Variants in TRPV5 observed in about 807,000 individuals in gnomAD.
The protein encoded by TRPV5 is calcium transport protein 2.
A neutral mutation model predicts 74.1 loss-of-function variants in TRPV5; 66 were observed. The ratio of observed to expected loss-of-function variants is 0.89; its 90% CI spans 0.73 to 1.09. TRPV5 has a LOEUF of 1.09. TRPV5 is among the 50% of genes least tolerant of loss of function. TRPV5 has a pLI of 0.00. For synonymous variants in TRPV5, 399 were observed against 360.7 expected (o/e 1.11, Z -1.20); for missense variants, 936 against 930.4 (o/e 1.01, Z -0.08).
chr7:142,910,647 A>C (rs1795689193), intron 13 of TRPV5, among the ~76,000 whole-genome samples: 1 of 152,102 alleles, frequency 6.6e-6, no homozygotes, highest in Admixed American at 6.5e-5. Flanking sequence ...TCATTACTCC[A>C]CACTTCTTTC....
In TRPV5 at chr7:142,930,143, G is replaced by T; in HGVS notation, c.264C>A (p.Leu88=). 1 of 1,614,200 alleles carries T rather than the reference G, an allele frequency of 6.2e-7. No individual in the cohort carries two copies. Among genetic ancestry groups the T allele is most frequent in the Non-Finnish European group, 8.5e-7 (1 of 1,180,030 alleles). Residue 88 remains leucine (L), a synonymous_variant, in exon 3 of 15, where the codon CTC becomes CTA. Coordinates refer to ENST00000265310, the MANE Select transcript of TRPV5 (RefSeq NM_019841.7). ...LGETALHIAA[L]YDNLEAALVL... is the part of the protein sequence containing the mutation. ...CCAAGGCCGCCTCCAAGTTGTCATAGAGGGCTGCTATGTGCAGCGCCGTCT... is the reference window on the plus strand; with the variant it reads ...CCAAGGCCGCCTCCAAGTTGTCATATAGGGCTGCTATGTGCAGCGCCGTCT...
Position 142,929,015 on chromosome 7 carries a change from C to T in TRPV5, c.586+7G>A. The T allele has an allele frequency of 6.2e-7, 1 of 1,613,956 alleles. No individual in the cohort carries two copies. Among genetic ancestry groups the T allele is most frequent in the Non-Finnish European group, 8.5e-7 (1 of 1,180,002 alleles). ...ATCCCAGCTCCCCTCCCCATCCCAG[C>T]TCTTACCCAGGGAGTCCTGGGCCCT... On this transcript the variant is annotated splice_region_variant and intron_variant, in intron 5 of 14. Transcript: ENST00000265310.
intron 13 of TRPV5, among the ~76,000 whole-genome samples, chr7:142,911,345 C>T (rs1441793829): frequency 6.6e-6 from 1 of 152,186 alleles, no homozygotes; most frequent in African/African-American, 2.4e-5. Flanking sequence ...TCCTCTTCCC[C>T]CTGTTTAAAA....
chr7:142,914,587 C>A, intron 12 of TRPV5, 53 bp downstream of exon 12: 2 of 1,469,664 alleles, frequency 1.4e-6, no homozygotes, highest in Non-Finnish European at 1.9e-6. Flanking sequence ...TGAGAGTGAA[C>A]TTTCTGGAGA....
chr7:142,926,883 C>T (rs1249681621), intron 7 of TRPV5, among the ~76,000 whole-genome samples: 2 of 152,104 alleles, frequency 1.3e-5, no homozygotes, highest in African/African-American at 2.4e-5. Flanking sequence ...TTCTTCTATT[C>T]GTTAGTATTA....
Position 142,929,034 on chromosome 7 carries a change from G to A in TRPV5, c.574C>T (p.Gln192Ter). 6.2e-7 allele frequency: 1 copy of A among 1,613,966 alleles called. No individual in the cohort carries two copies. The highest frequency in any genetic ancestry group is 8.5e-7 in the Non-Finnish European group (1 of 1,180,010). ...LIEHGADIRA[Q>*]DSLGNTVLHI... Reference sequence around the variant, plus strand: ...TCCCAGCTCTTACCCAGGGAGTCCTGGGCCCTGATGTCAGCTCCATGCTCA... The same window carrying A: ...TCCCAGCTCTTACCCAGGGAGTCCTAGGCCCTGATGTCAGCTCCATGCTCA... Residue 192 changes from glutamine (Q) to a stop codon, truncating the protein, a stop_gained, in exon 5 of 15, where the codon CAG becomes TAG. Transcript: ENST00000265310. LOFTEE classifies it high-confidence loss of function.
chr7:142,910,460 G>A lies in TRPV5; in HGVS notation c.1789-864C>T, dbSNP rs4252504. On this transcript the variant is annotated intron_variant, in intron 13 of 14. Coordinates refer to ENST00000265310, the MANE Select transcript of TRPV5 (RefSeq NM_019841.7). ...GAAAGGCATAGTCCCGCTTTGTACC[G>A]CATTGCCCTAATCATACTGGGGACT... Among the ~76,000 whole-genome samples the A allele has an allele frequency of 6.5e-3, 989 of 152,268 alleles. 10 individuals are homozygous for A. The highest frequency in any genetic ancestry group is 0.022 in the African/African-American group (917 of 41,562).
intron 2 of TRPV5, 47 bp from the exon 3 acceptor site, chr7:142,930,227 T>A: frequency 6.2e-7 from 1 of 1,607,872 alleles, no homozygotes; most frequent in African/African-American, 1.3e-5. Flanking sequence ...CAGATTCCCT[T>A]GAGGAAGGGG....
At chr7:142,927,907 CAG>C (rs1796013440) in intron 7 of TRPV5, among the ~76,000 whole-genome samples, 179 bp downstream of exon 7, 1 of 151,934 alleles carries the variant, frequency 6.6e-6, no homozygotes, top group Non-Finnish European at 1.5e-5. Context: ...AGCAGAGAGA[CAG>C]GGGATTCAGG....
Position 142,912,469 on chromosome 7 carries a change from C to A in TRPV5, c.1788+13G>T, listed in dbSNP as rs780157311. On this transcript the variant is annotated intron_variant, in intron 13 of 14. Transcript: ENST00000265310. ...CCCCTGCTTCTTAGCAAGACTAACA[C>A]AAATAAACTCACCTGGGCCCTCCAG... 1 of 1,607,708 alleles carries A rather than the reference C, an allele frequency of 6.2e-7. No individual in the cohort carries two copies. The highest frequency in any genetic ancestry group is 8.5e-7 in the Non-Finnish European group (1 of 1,175,102).
At chr7:142,927,938 CT>C (rs4252420) in intron 7 of TRPV5, 149 bp downstream of exon 7, 148,093 of 925,860 alleles carry the variant, frequency 0.16, 13,370 homozygotes, top group Non-Finnish European at 0.18. Flanking sequence ...GTGCATTGGA[CT>C]TTCCCCCATG....
At chr7:142,928,908 T>C (rs1413890956) in intron 5 of TRPV5, 42 bp from the exon 6 acceptor site, 2 of 1,611,880 alleles carry the variant, frequency 1.2e-6, no homozygotes, top group Non-Finnish European at 1.7e-6. Context: ...TGGCCTAAAG[T>C]CCCTGATGTC....
Position 142,912,619 on chromosome 7 carries a change from A to G in TRPV5, c.1651T>C (p.Leu551=). 6.2e-7 allele frequency: 1 copy of G among 1,614,256 alleles called. No homozygotes were observed. Among genetic ancestry groups the G allele is most frequent in the Non-Finnish European group, 8.5e-7 (1 of 1,180,044 alleles). Residue 551 remains leucine, a synonymous_variant, in exon 13 of 15, where the codon TTG becomes CTG. Transcript: ENST00000265310. ...TTGACAATGCTGAACATGAAGGGCA[A>G]GTCCACGTCGTAGTTGGCAGGTGCA... ...IDAPANYDVD[L]PFMFSIVNFA...
chr7:142,933,547 C>T lies in TRPV5; in HGVS notation c.-88G>A, dbSNP rs901185315. The T allele has an allele frequency of 4.6e-6, 7 of 1,528,594 alleles. No individual in the cohort carries two copies. The highest frequency in any genetic ancestry group is 2.0e-5 in the Admixed American group (1 of 49,342). The allele number at this position is 1,528,594 out of a possible 1,614,324, so 94.7% of individuals were successfully genotyped here. A position where few individuals can be genotyped will look rare whatever the true frequency, so the allele number is the denominator to read the frequency against. On this transcript the variant is annotated 5_prime_UTR_variant, in exon 1 of 15. Transcript: ENST00000265310. ...ACAGCAACTGAGCAAGAGATGGGGT[C>T]TATTTGGGGCTGGGACTCTGAGTTT...
rs370191401 is a variant in TRPV5 at position 142,924,391 on chromosome 7, T to TATAC, written c.1122+1137_1122+1138insGTAT. Among the ~76,000 whole-genome samples, 316 of 112,310 alleles carry TATAC rather than the reference T, an allele frequency of 2.8e-3. 23 individuals carry two copies. Among genetic ancestry groups the TATAC allele is most frequent in the African/African-American group, 0.014 (300 of 21,114 alleles). 73.7% of individuals were successfully genotyped at this position (112,310 alleles called of 152,430 possible). ...ATATATATACATATATATATATATA[T>TATAC]ACATATACATGTATATATATAAAGG... On this transcript the variant is annotated intron_variant, in intron 8 of 14. Transcript: ENST00000265310.
Position 142,925,535 on chromosome 7 carries a change from T to C in TRPV5, c.1116A>G (p.Leu372=), listed in dbSNP as rs1563375729. The change falls in exon 8 of 15, where the codon CTA becomes CTG. Residue 372 remains leucine (L), a synonymous_variant. Coordinates refer to ENST00000265310, the MANE Select transcript of TRPV5 (RefSeq NM_019841.7). ...CCCTTCTGAGGAGAATCACCTGTAGTAGTTTTTGCTGGAGGATGGTGATGT... is the reference window on the plus strand; with the variant it reads ...CCCTTCTGAGGAGAATCACCTGTAGCAGTTTTTGCTGGAGGATGGTGATGT... ...SRDITILQQK[L]LQEAYETRED... The C allele has an allele frequency of 6.2e-7, 1 of 1,614,124 alleles. No individual in the cohort carries two copies. The highest frequency in any genetic ancestry group is 2.2e-5 in the East Asian group (1 of 44,882).
chr7:142,922,956 GC>G (rs1795909740), intron 8 of TRPV5, among the ~76,000 whole-genome samples: 1 of 152,106 alleles, frequency 6.6e-6, no homozygotes, highest in South Asian at 2.1e-4. Flanking sequence ...ACAAACATCA[GC>G]TTTTGTGTAG....
chr7:142,929,977 C>A, intron 3 of TRPV5, 81 bp downstream of exon 3: 1 of 1,599,396 alleles, frequency 6.3e-7, no homozygotes. Flanking sequence ...CCAACCCATC[C>A]TTCAGAGGCC....
chr7:142,922,019 T>C (rs1245976305), intron 8 of TRPV5, among the ~76,000 whole-genome samples: 6 of 152,210 alleles, frequency 3.9e-5, no homozygotes, highest in African/African-American at 1.4e-4. Context: ...ACCAGGCCCC[T>C]GTTATAAGTT....
Sources: gnomAD v4.1 joint callset for allele counts (sites outside exome capture counted in the v4.1 genomes callset) on GRCh38, gnomAD v4.1.1 for gene constraint, MANE v1.5 for transcripts, NCBI Gene and HGNC (gene_info 2026-07-23, HGNC 2026-07-21) for gene names.